ERN2: variants seen among roughly 807,000 people sequenced by gnomAD.
The protein encoded by ERN2 is serine/threonine-protein kinase/endoribonuclease IRE2.
ERN2 carries 111 observed loss-of-function variants against 107.9 expected under a neutral mutation model. That is an observed-to-expected ratio of 1.03 (90% CI 0.88 to 1.20). The LOEUF (loss-of-function observed/expected upper bound fraction) is 1.20. Among genes scored for constraint, ERN2 ranks in the 50% most tolerant of loss-of-function variants. ERN2 has a pLI of 0.00. For synonymous variants in ERN2, 524 were observed against 501.7 expected (o/e 1.04, Z -0.59); for missense variants, 1,225 against 1,197.9 (o/e 1.02, Z -0.33).
intron 4 of ERN2, chr16:23,709,293 T>A (rs971740196): frequency 5.5e-6 from 2 of 362,736 alleles, no homozygotes; most frequent in African/African-American, 4.4e-5. Context: ...TGAGATGCTG[T>A]CTTTAAAAAA....
At position 23,691,345 on chromosome 16, in the gene ERN2, G is replaced by A; in HGVS notation, c.2457C>T (p.Val819=). The A allele has an allele frequency of 1.2e-6, 2 of 1,606,456 alleles. No homozygotes were observed. Among genetic ancestry groups the A allele is most frequent in the Non-Finnish European group, 1.7e-6 (2 of 1,179,956 alleles). Residue 819 remains valine, a synonymous_variant, in exon 20 of 22, where the codon GTC becomes GTT. Transcript: ENST00000256797. ...AGATGTGCTCGTGCCAGTTGTCCCGGACCACTGCGCAGCCTCCCGCCTCCA... is the reference window on the plus strand; with the variant it reads ...AGATGTGCTCGTGCCAGTTGTCCCGAACCACTGCGCAGCCTCCCGCCTCCA... ...RALEAGGCAV[V]RDNWHEHISM... is the part of the protein sequence containing the mutation.
At chr16:23,697,852 G>C (rs1440233037) in intron 13 of ERN2, among the ~76,000 whole-genome samples, 1 of 152,086 alleles carries the variant, frequency 6.6e-6, no homozygotes, top group Non-Finnish European at 1.5e-5. Context: ...GAACTCCTGG[G>C]CTCAAGCAAT....
At chr16:23,710,122 T>C (rs541386127) in intron 4 of ERN2, 50 bp downstream of exon 4, 8 of 1,303,540 alleles carry the variant, frequency 6.1e-6, no homozygotes, top group Non-Finnish European at 8.9e-6. Flanking sequence ...GTGCTCCAGC[T>C]GACGAAAGCC....
intron 3 of ERN2, 40 bp downstream of exon 3, chr16:23,710,476 C>A: frequency 1.9e-6 from 3 of 1,608,370 alleles, no homozygotes; most frequent in Non-Finnish European, 2.6e-6. Flanking sequence ...TCCCCCATCT[C>A]CCAGAAGCCT....
intron 4 of ERN2, among the ~76,000 whole-genome samples, chr16:23,708,523 A>AT (rs1960415745): frequency 6.6e-6 from 1 of 151,498 alleles, no homozygotes; most frequent in African/African-American, 2.4e-5. Context: ...CACCTGGCTA[A>AT]TTTTTGTATT....
rs1189238503 is a variant in ERN2, at chr16:23,691,123, A to T, written c.2568+6T>A. On this transcript the variant is annotated splice_donor_region_variant and intron_variant, in intron 21 of 21. Coordinates refer to ENST00000256797, the MANE Select transcript of ERN2 (RefSeq NM_033266.4). The stretch of plus-strand genomic sequence containing the variant: ...GACCCAGGCCCACCCAGGCCCCAAC[A>T]CATACCTTGTTCCTCACAGCACGGA... 1.2e-6 allele frequency: 2 copies of T among 1,612,974 alleles called. No homozygotes were observed.
rs996875478 is a variant in ERN2, at chr16:23,706,863, T to G, written c.380-2A>C. 7.1e-5 allele frequency: 114 copies of G among 1,611,996 alleles called. No individual in the cohort carries two copies. The highest frequency in any genetic ancestry group is 9.5e-5 in the Non-Finnish European group (112 of 1,178,324). ...CAAACCAGGCATCCTGCTTCCGGCC[T>G]GTGGAGGTGGAAAGTGTGTTAGCTC... is the stretch of plus-strand genomic sequence containing the variant. On this transcript the variant is annotated splice_acceptor_variant, in intron 5 of 21. Coordinates refer to ENST00000256797, the MANE Select transcript of ERN2 (RefSeq NM_033266.4). LOFTEE classifies it high-confidence loss of function.
At chr16:23,700,869 C>T (rs1597149271) in intron 12 of ERN2, 90 bp downstream of exon 12, 8 of 1,503,280 alleles carry the variant, frequency 5.3e-6, no homozygotes. Context: ...AAAATCAGAG[C>T]TGGGTAGAGG....
intron 13 of ERN2, 73 bp downstream of exon 13, chr16:23,700,466 C>A (rs1597148607): frequency 1.3e-6 from 2 of 1,487,008 alleles, no homozygotes; most frequent in South Asian, 2.7e-5. Context: ...TTTTAATAAA[C>A]CAGCTTTGCA....
Position 23,702,195 on chromosome 16 carries a change from G to T in ERN2, c.1160C>A (p.Thr387Lys), listed in dbSNP as rs1162458660. Residue 387 changes from threonine to lysine, a missense_variant, in exon 11 of 22, where the codon ACA becomes AAA. Coordinates refer to ENST00000256797, the MANE Select transcript of ERN2 (RefSeq NM_033266.4). ...GGCCTGGGTATTCTCTGGAGGTCTT[G>T]TCTCTGCAGTTCCACTCCCCAGGGT... ...HPTLGSGTAE[T>K]RPPENTQAPA... 6.2e-7 allele frequency: 1 copy of T among 1,614,024 alleles called. No homozygotes were observed. The highest frequency in any genetic ancestry group is 2.2e-5 in the East Asian group (1 of 44,896).
chr16:23,712,901 A>G, intron 1 of ERN2, 194 bp downstream of exon 1: 1 of 535,936 alleles, frequency 1.9e-6, no homozygotes, highest in Non-Finnish European at 3.3e-6. Context: ...CCAGCTAGGT[A>G]TTTGTTGGGG....
At chr16:23,696,073 C>T (rs959762897) in intron 13 of ERN2, 95 bp from the exon 14 acceptor site, 3 of 875,818 alleles carry the variant, frequency 3.4e-6, no homozygotes, top group Non-Finnish European at 3.8e-6. Flanking sequence ...TCTGGGCCTC[C>T]ACCCTCCCAT....
At chr16:23,699,465 G>A (rs894587467) in intron 13 of ERN2, among the ~76,000 whole-genome samples, 4 of 152,186 alleles carry the variant, frequency 2.6e-5, no homozygotes, top group African/African-American at 9.7e-5. Flanking sequence ...GAACATTCCA[G>A]ATGCCAGAGG....
chr16:23,691,405 C>T lies in ERN2; in HGVS notation c.2397G>A (p.Glu799=). The change falls in exon 20 of 22, where the codon GAG becomes GAA. Residue 799 remains glutamate (E), a synonymous_variant. Coordinates refer to ENST00000256797, the MANE Select transcript of ERN2 (RefSeq NM_033266.4). ...QFFQDVSDWL[E]KESEQEPLVR... is the part of the protein sequence containing the mutation. ...CCAGGGGCTCCTGCTCGGACTCCTTCTCCAGCCAGTCACTGACGTCCTGGG... is the reference window on the plus strand; with the variant it reads ...CCAGGGGCTCCTGCTCGGACTCCTTTTCCAGCCAGTCACTGACGTCCTGGG... 1 of 1,599,614 alleles carries T rather than the reference C, an allele frequency of 6.3e-7. No individual in the cohort carries two copies. The highest frequency in any genetic ancestry group is 8.5e-7 in the Non-Finnish European group (1 of 1,179,710).
chr16:23,710,485 C>A, intron 3 of ERN2, 31 bp downstream of exon 3: 1 of 1,612,536 alleles, frequency 6.2e-7, no homozygotes, highest in Non-Finnish European at 8.5e-7. Context: ...TCCCAGAAGC[C>A]TCCTCCTTAA....
In ERN2 at chr16:23,700,694, T is replaced by A. The variant is rs1200281084; in HGVS notation, c.1370A>T (p.Gln457Leu). Residue 457 changes from glutamine (Q) to leucine (L), a missense_variant, in exon 13 of 22, where the codon CAG (glutamine) becomes CTG (leucine). Gln to Leu is a moderately radical substitution (Grantham distance 113). Transcript: ENST00000256797. ...GGTCTCCTGCTGCTTCTCCACCACC[T>A]GCGGCTGTTGCTGTAACATGAGAGC... ...ILFVMRQQQP[Q>L]VVEKQQETPL... is the part of the protein sequence containing the mutation. The A allele has an allele frequency of 6.2e-7, 1 of 1,612,276 alleles. No individual in the cohort carries two copies. Among genetic ancestry groups the A allele is most frequent in the Non-Finnish European group, 8.5e-7 (1 of 1,179,186 alleles).
chr16:23,710,659 G>C (rs762787121), intron 2 of ERN2, 110 bp from the exon 3 acceptor site: 7 of 1,266,386 alleles, frequency 5.5e-6, no homozygotes, highest in Non-Finnish European at 8.1e-6. Flanking sequence ...CACTTGGTGT[G>C]AATGTAATGC....
intron 13 of ERN2, among the ~76,000 whole-genome samples, chr16:23,698,628 C>G (rs1042157146): frequency 1.3e-5 from 2 of 152,064 alleles, no homozygotes; most frequent in African/African-American, 4.8e-5. Flanking sequence ...CTCTGTTGCC[C>G]AGGCTGGAGT....
In ERN2 at chr16:23,700,610, C is replaced by G. The variant is rs138973317; in HGVS notation, c.1454G>C (p.Gly485Ala). Reference protein sequence around the residue: ...ISQDAQSLHSGASRRSQKRLQ... With the variant: ...ISQDAQSLHSAASRRSQKRLQ... ...CCTCTTCTGGCTCCTCCGGCTGGCC[C>G]CCGAGTGCAGGGACTGGGCATCCTG... The change falls in exon 13 of 22, where the codon GGG becomes GCG. Residue 485 changes from glycine (G) to alanine (A), a missense_variant. Transcript: ENST00000256797. 1 of 1,614,028 alleles carries G rather than the reference C, an allele frequency of 6.2e-7. No individual in the cohort carries two copies. Among genetic ancestry groups the G allele is most frequent in the Non-Finnish European group, 8.5e-7 (1 of 1,180,036 alleles).
Sources: allele counts gnomAD v4.1 joint callset (sites outside exome capture counted in the v4.1 genomes callset), GRCh38; gene constraint gnomAD v4.1.1; transcripts MANE v1.5; gene names NCBI Gene and HGNC (gene_info 2026-07-23, HGNC 2026-07-21).